Variants in CD14 observed in about 807,000 individuals in gnomAD.
CD14 encodes monocyte differentiation antigen CD14.
CD14 carries 4 observed loss-of-function variants against 2.5 expected under a neutral mutation model. The observed-to-expected ratio is 1.63, with a 90% CI of 0.80 to 3.72. CD14 has a LOEUF of 3.72. Among genes scored for constraint, CD14 ranks in the 30% most tolerant of loss-of-function variants. The pLI is 0.01. For missense variants in CD14, 478 were observed against 497.8 expected, an observed-to-expected ratio of 0.96 and a Z score of 0.38; for synonymous variants, 236 against 235.1, an observed-to-expected ratio of 1.00 and a Z score of -0.04.
At chr5:140,633,191 C>T, upstream of CD14, 2 of 1,285,328 alleles carry the variant, frequency 1.6e-6, no homozygotes, top group African/African-American at 1.5e-5. Context: ...CTTCGGCTGC[C>T]TCTGACAGTT....
In CD14 at chr5:140,631,732, C is replaced by G; in HGVS notation, c.*124G>C. 1 of 903,682 alleles carries G rather than the reference C, an allele frequency of 1.1e-6. No homozygotes were observed. Among genetic ancestry groups the G allele is most frequent in the Non-Finnish European group, 1.7e-6 (1 of 579,614 alleles). 56.0% of individuals were successfully genotyped at this position (903,682 alleles called of 1,614,324 possible). A position where few individuals can be genotyped will look rare whatever the true frequency, so the allele number is the denominator to read the frequency against. ...GTCTGTTAAATGAATGACACGGACC[C>G]GTTGTTTAAGATTTTAATAAAGGTG... On this transcript the variant is annotated 3_prime_UTR_variant, in exon 2 of 2. Coordinates refer to ENST00000302014, the MANE Select transcript of CD14 (RefSeq NM_000591.4).
chr5:140,633,174 G>T lies in CD14; in HGVS notation c.-103C>A, dbSNP rs1756671795. 2 of 1,463,700 alleles carry T rather than the reference G, an allele frequency of 1.4e-6. No homozygotes were observed. The highest frequency in any genetic ancestry group is 1.9e-6 in the Non-Finnish European group (2 of 1,059,676). The allele number at this position is 1,463,700 out of a possible 1,614,324, so 90.7% of individuals were successfully genotyped here. On this transcript the variant is annotated 5_prime_UTR_variant, in exon 1 of 2. Coordinates refer to ENST00000302014, the MANE Select transcript of CD14 (RefSeq NM_000591.4). ...CCGCCGGCTTCCAGGCTTCACACTT[G>T]TGAACTCTTCGGCTGCCTCTGACAG...
In CD14 at chr5:140,631,888, C is replaced by T; in HGVS notation, c.1096G>A (p.Val366Met). The T allele has an allele frequency of 1.9e-6, 3 of 1,586,180 alleles. No homozygotes were observed. Among genetic ancestry groups the T allele is most frequent in the Non-Finnish European group, 2.6e-6 (3 of 1,161,652 alleles). The change falls in exon 2 of 2, where the codon GTG becomes ATG. Residue 366 changes from valine (V) to methionine (M), a missense_variant. Coordinates refer to ENST00000302014, the MANE Select transcript of CD14 (RefSeq NM_000591.4). ...TLSVGVSGTL[V>M]LLQGARGFA The stretch of plus-strand genomic sequence containing the variant: ...AAGCCCCGGGCCCCTTGGAGCAGCA[C>T]CAGGGTTCCCGACACCCCCACCGAC...
In CD14 at chr5:140,632,561, T is replaced by A; in HGVS notation, c.423A>T (p.Gly141=). Reference sequence around the variant, plus strand: ...GTAGGCGCAAGCTGGAAAGTGCAAGTCCTGTGGCTTCCAGAGGCAGCGGAG... The same window carrying A: ...GTAGGCGCAAGCTGGAAAGTGCAAGACCTGTGGCTTCCAGAGGCAGCGGAG... ...TMPPLPLEAT[G]LALSSLRLRN... Residue 141 remains glycine (G), a synonymous_variant, in exon 2 of 2, where the codon GGA becomes GGT. Transcript: ENST00000302014. This position sits in a 1 kb window ranked among gnomAD's most constrained non-coding sequence, Gnocchi z 6.2. 5.6e-6 allele frequency: 9 copies of A among 1,614,100 alleles called. No homozygotes were observed. Among genetic ancestry groups the A allele is most frequent in the Non-Finnish European group, 6.8e-6 (8 of 1,180,024 alleles).
chr5:140,632,381 C>G lies in CD14; in HGVS notation c.603G>C (p.Leu201=). 6.2e-7 allele frequency: 1 copy of G among 1,614,200 alleles called. No individual in the cohort carries two copies. The highest frequency in any genetic ancestry group is 2.2e-5 in the East Asian group (1 of 44,882). ...RAFPALTSLD[L]SDNPGLGERG... ...GTTCGCCCAGTCCAGGATTGTCAGA[C>G]AGGTCTAGGCTGGTAAGGGCCGGGA... Residue 201 remains leucine, a synonymous_variant, in exon 2 of 2, where the codon CTG becomes CTC. Coordinates refer to ENST00000302014, the MANE Select transcript of CD14 (RefSeq NM_000591.4). This position sits in a 1 kb window ranked among gnomAD's most constrained non-coding sequence, Gnocchi z 6.2.
chr5:140,632,608 G>T lies in CD14; in HGVS notation c.376C>A (p.Leu126Ile). ...SRLKELTLED[L>I]KITGTMPPLP... is the part of the protein sequence containing the mutation. ...GGAGGCATGGTGCCGGTTATCTTTA[G>T]GTCCTCGAGCGTCAGTTCCTTGAGG... is the stretch of plus-strand genomic sequence containing the variant. Residue 126 changes from leucine to isoleucine, a missense_variant, in exon 2 of 2, where the codon CTA becomes ATA. Physicochemically the swap from Leu to Ile is conservative, Grantham distance 5. Coordinates refer to ENST00000302014, the MANE Select transcript of CD14 (RefSeq NM_000591.4). This position sits in a 1 kb window ranked among gnomAD's most constrained non-coding sequence, Gnocchi z 6.2. The T allele has an allele frequency of 6.2e-7, 1 of 1,613,958 alleles. No homozygotes were observed. The highest frequency in any genetic ancestry group is 8.5e-7 in the Non-Finnish European group (1 of 1,180,036).
In CD14 at chr5:140,632,636, G is replaced by A; in HGVS notation, c.348C>T (p.Ser116=). 6.2e-7 allele frequency: 1 copy of A among 1,613,838 alleles called. No individual in the cohort carries two copies. The change falls in exon 2 of 2, where the codon TCC becomes TCT. Residue 116 remains serine (S), a synonymous_variant. Transcript: ENST00000302014. The surrounding 1 kb of genome is among the most constrained non-coding windows in gnomAD (Gnocchi z 6.2). ...CCTCGAGCGTCAGTTCCTTGAGGCG[G>A]GAGTACGCTAGCACACGCAGGGCGC... The part of the protein sequence containing the change: ...LVGALRVLAY[S]RLKELTLEDL...
chr5:140,633,212 T>C (rs1756674257), upstream of CD14: 1 of 1,047,072 alleles, frequency 9.6e-7, no homozygotes. Context: ...TATGTAATCC[T>C]GGGATGTCAT....
Position 140,632,535 on chromosome 5 carries a change from C to T in CD14, c.449G>A (p.Arg150His), listed in dbSNP as rs1287417488. The change falls in exon 2 of 2, where the codon CGC becomes CAC. Residue 150 changes from arginine to histidine, a missense_variant. Transcript: ENST00000302014. This position sits in a 1 kb window ranked among gnomAD's most constrained non-coding sequence, Gnocchi z 6.2. The stretch of plus-strand genomic sequence containing the variant: ...ACGCCCTGTCGCCCACGACACGTTG[C>T]GTAGGCGCAAGCTGGAAAGTGCAAG... ...TGLALSSLRL[R>H]NVSWATGRSW... is the part of the protein sequence containing the mutation. 6.2e-7 allele frequency: 1 copy of T among 1,614,156 alleles called. No individual in the cohort carries two copies. Among genetic ancestry groups the T allele is most frequent in the South Asian group, 1.1e-5 (1 of 91,084 alleles).
rs774742461 is a variant in CD14, at chr5:140,632,951, C to T, written c.33G>A (p.Leu11=). 1.2e-6 allele frequency: 2 copies of T among 1,614,108 alleles called. No homozygotes were observed. Among genetic ancestry groups the T allele is most frequent in the Non-Finnish European group, 1.7e-6 (2 of 1,180,030 alleles). Residue 11 remains leucine (L), a synonymous_variant, in exon 2 of 2, where the codon CTG becomes CTA. Coordinates refer to ENST00000302014, the MANE Select transcript of CD14 (RefSeq NM_000591.4). The surrounding 1 kb of genome is among the most constrained non-coding windows in gnomAD (Gnocchi z 6.2). The part of the protein sequence containing the change: MERASCLLLL[L]LPLVHVSATT... ...TCGCAGAGACGTGCACCAGCGGCAGCAGCAGCAGCAACAAGCAGGACGCGC... is the reference window on the plus strand; with the variant it reads ...TCGCAGAGACGTGCACCAGCGGCAGTAGCAGCAGCAACAAGCAGGACGCGC...
upstream of CD14, chr5:140,633,206 T>TAATCCTGGGATGTC (rs1445229989): frequency 3.6e-6 from 4 of 1,112,406 alleles, no homozygotes; most frequent in East Asian, 7.7e-5. Context: ...ACAGTTTATG[T>TAATCCTGGGATGTC]AATCCTGGGA....
chr5:140,632,316 G>C lies in CD14; in HGVS notation c.668C>G (p.Ala223Gly). The C allele has an allele frequency of 6.2e-7, 1 of 1,614,050 alleles. No homozygotes were observed. The highest frequency in any genetic ancestry group is 8.5e-7 in the Non-Finnish European group (1 of 1,180,052). ...GTTGCGCAGCGCTAGATTCTGGATG[G>C]CCGGGAACTTGTGGGGACAGAGAGC... ...MAALCPHKFPAIQNLALRNTG... is the reference protein window; with the variant it reads ...MAALCPHKFPGIQNLALRNTG... The change falls in exon 2 of 2, where the codon GCC (alanine) becomes GGC (glycine). Residue 223 changes from alanine to glycine, a missense_variant. Ala to Gly is a moderately conservative substitution (Grantham distance 60). Coordinates refer to ENST00000302014, the MANE Select transcript of CD14 (RefSeq NM_000591.4). This position sits in a 1 kb window ranked among gnomAD's most constrained non-coding sequence, Gnocchi z 6.2.
In CD14 at chr5:140,632,730, G is replaced by A. The variant is rs757258287; in HGVS notation, c.254C>T (p.Thr85Met). 1.9e-6 allele frequency: 3 copies of A among 1,613,568 alleles called. No individual in the cohort carries two copies. Among genetic ancestry groups the A allele is most frequent in the Non-Finnish European group, 2.5e-6 (3 of 1,179,972 alleles). Residue 85 changes from threonine (T) to methionine (M), a missense_variant, in exon 2 of 2, where the codon ACG (threonine) becomes ATG (methionine). Transcript: ENST00000302014. The surrounding 1 kb of genome is among the most constrained non-coding windows in gnomAD (Gnocchi z 6.2). ...ADADPRQYAD[T>M]VKALRVRRLT... ...CCGCCGCACGCGGAGAGCCTTGACC[G>A]TGTCAGCATACTGCCGCGGGTCGGC... is the stretch of plus-strand genomic sequence containing the variant.
At position 140,632,273 on chromosome 5, in the gene CD14, G is replaced by C. The variant is rs780574503; in HGVS notation, c.711C>G (p.Pro237=). ...LALRNTGMET[P]TGVCAALAAA... The stretch of plus-strand genomic sequence containing the variant: ...CCGCCAGTGCGGCGCACACGCCTGT[G>C]GGCGTCTCCATTCCTGTGTTGCGCA... Residue 237 remains proline, a synonymous_variant, in exon 2 of 2, where the codon CCC becomes CCG. Coordinates refer to ENST00000302014, the MANE Select transcript of CD14 (RefSeq NM_000591.4). This position sits in a 1 kb window ranked among gnomAD's most constrained non-coding sequence, Gnocchi z 6.2. 1.2e-6 allele frequency: 2 copies of C among 1,613,822 alleles called. No homozygotes were observed. The highest frequency in any genetic ancestry group is 8.5e-7 in the Non-Finnish European group (1 of 1,180,046).
Position 140,632,200 on chromosome 5 carries a change from G to T in CD14, c.784C>A (p.Arg262Ser), listed in dbSNP as rs139478077. 246 of 1,613,502 alleles carry T rather than the reference G, an allele frequency of 1.5e-4. No individual in the cohort carries two copies. The African/African-American group carries it at 2.9e-3, about 19-fold the overall frequency. The change falls in exon 2 of 2, where the codon CGC (arginine) becomes AGC (serine). Residue 262 changes from arginine to serine, a missense_variant. Arg to Ser is a moderately radical substitution (Grantham distance 110). Coordinates refer to ENST00000302014, the MANE Select transcript of CD14 (RefSeq NM_000591.4). The surrounding 1 kb of genome is among the most constrained non-coding windows in gnomAD (Gnocchi z 6.2). ...GGAGCGCTAGGGTTTACGGTGGCGC[G>T]CAGCGAGTTGTGGCTGAGGTCTAGG... ...HSLDLSHNSL[R>S]ATVNPSAPRC...
Position 140,631,735 on chromosome 5 carries a change from T to G in CD14, c.*121A>C. On this transcript the variant is annotated 3_prime_UTR_variant, in exon 2 of 2. Coordinates refer to ENST00000302014, the MANE Select transcript of CD14 (RefSeq NM_000591.4). ...TGTTAAATGAATGACACGGACCCGT[T>G]GTTTAAGATTTTAATAAAGGTGGGG... 1 of 922,322 alleles carries G rather than the reference T, an allele frequency of 1.1e-6. No homozygotes were observed. Among genetic ancestry groups the G allele is most frequent in the South Asian group, 1.7e-5 (1 of 58,962 alleles). 57.1% of individuals were successfully genotyped at this position (922,322 alleles called of 1,614,324 possible). A position where few individuals can be genotyped will look rare whatever the true frequency, so the allele number is the denominator to read the frequency against.
At position 140,632,757 on chromosome 5, in the gene CD14, T is replaced by A; in HGVS notation, c.227A>T (p.Asp76Val). 6.2e-7 allele frequency: 1 copy of A among 1,613,290 alleles called. No individual in the cohort carries two copies. Among genetic ancestry groups the A allele is most frequent in the South Asian group, 1.1e-5 (1 of 91,076 alleles). The change falls in exon 2 of 2, where the codon GAC becomes GTC. Residue 76 changes from aspartate (D) to valine (V), a missense_variant. Transcript: ENST00000302014. This position sits in a 1 kb window ranked among gnomAD's most constrained non-coding sequence, Gnocchi z 6.2. Reference sequence around the variant, plus strand: ...GTCAGCATACTGCCGCGGGTCGGCGTCCGCATCGACGCGCTTTAGAAACGG... The same window carrying A: ...GTCAGCATACTGCCGCGGGTCGGCGACCGCATCGACGCGCTTTAGAAACGG... Reference protein sequence around the residue: ...LEPFLKRVDADADPRQYADTV... With the variant: ...LEPFLKRVDAVADPRQYADTV...
chr5:140,632,156 G>A lies in CD14; in HGVS notation c.828C>T (p.Ser276=). The A allele has an allele frequency of 3.1e-6, 5 of 1,614,124 alleles. No individual in the cohort carries two copies. Among genetic ancestry groups the A allele is most frequent in the Non-Finnish European group, 4.2e-6 (5 of 1,179,982 alleles). Residue 276 remains serine, a synonymous_variant, in exon 2 of 2, where the codon AGC becomes AGT. Coordinates refer to ENST00000302014, the MANE Select transcript of CD14 (RefSeq NM_000591.4). The surrounding 1 kb of genome is among the most constrained non-coding windows in gnomAD (Gnocchi z 6.2). The part of the protein sequence containing the change: ...NPSAPRCMWS[S]ALNSLNLSFA... ...ACGACAGATTGAGGGAGTTCAGGGC[G>A]CTGGACCACATGCATCTCGGAGCGC...
Position 140,631,765 on chromosome 5 carries a change from G to A in CD14, c.*91C>T, listed in dbSNP as rs1054643703. 4.6e-5 allele frequency: 55 copies of A among 1,201,290 alleles called. No individual in the cohort carries two copies. The highest frequency in any genetic ancestry group is 5.9e-5 in the Non-Finnish European group (50 of 847,490). 74.4% of individuals were successfully genotyped at this position (1,201,290 alleles called of 1,614,324 possible). ...AAGATTTTAATAAAGGTGGGGCAAA[G>A]GGTTGAATTGGTCGAAAAGTCCTCA... On this transcript the variant is annotated 3_prime_UTR_variant, in exon 2 of 2. Transcript: ENST00000302014.
Sources: gnomAD v4.1 joint callset for allele counts on GRCh38, gnomAD v4.1.1 for gene constraint, Gnocchi (gnomAD v3.1) non-coding constraint, MANE v1.5 for transcripts, NCBI Gene and HGNC (gene_info 2026-07-23, HGNC 2026-07-21) for gene names.